Variants in CLASP1 observed in about 807,000 individuals in gnomAD.
The protein encoded by CLASP1 is CLIP-associating protein 1.
CLASP1 carries 38 observed loss-of-function variants against 192.3 expected under a neutral mutation model. The observed-to-expected ratio is 0.20, with a 90% CI of 0.15 to 0.26. The LOEUF (loss-of-function observed/expected upper bound fraction) is 0.26, where lower values mean the gene tolerates loss of function less well. Among genes scored for constraint, CLASP1 ranks in the 10% least tolerant of loss-of-function variants. The pLI, the probability that CLASP1 is intolerant of heterozygous loss-of-function variation, is 1.00. For missense variants in CLASP1, 1,433 were observed against 1,932.5 expected (o/e 0.74, Z 4.85); for synonymous variants, 691 against 712.8 (o/e 0.97, Z 0.49).
chr2:121,647,894 C>T lies in CLASP1; in HGVS notation c.-286+1478G>A, dbSNP rs868711312. On this transcript the variant is annotated intron_variant, in intron 1 of 39. Transcript: ENST00000263710. ...GAAAACTCCTTCATAAAAACTAAAA[C>T]TTTAGAAGTCTAAAATGGTGTTACA... Among the ~76,000 whole-genome samples, 10 of 152,256 alleles carry T rather than the reference C, an allele frequency of 6.6e-5. No individual in the cohort carries two copies. In the Middle Eastern group the frequency reaches 0.014, roughly 207 times the overall value.
At chr2:121,499,552 A>C (rs954300772) in intron 8 of CLASP1, among the ~76,000 whole-genome samples, 1 of 151,926 alleles carries the variant, frequency 6.6e-6, no homozygotes, top group Non-Finnish European at 1.5e-5. Context: ...TTAAAAAGTG[A>C]AACACCAGTA....
At chr2:121,423,030 A>C (rs1370520958) in intron 22 of CLASP1, among the ~76,000 whole-genome samples, 1 of 152,182 alleles carries the variant, frequency 6.6e-6, no homozygotes, top group African/African-American at 2.4e-5. Flanking sequence ...AGTAATATAT[A>C]ATCTATTACT....
chr2:121,613,629 T>TA (rs34993191), intron 1 of CLASP1, among the ~76,000 whole-genome samples: 25 of 148,766 alleles, frequency 1.7e-4, no homozygotes, highest in Non-Finnish European at 3.3e-4. Flanking sequence ...CCTTTTTTTT[T>TA]AAAAAAAAAA....
At chr2:121,525,775 C>A in intron 6 of CLASP1, 70 bp downstream of exon 6, 1 of 1,065,700 alleles carries the variant, frequency 9.4e-7, no homozygotes, top group Middle Eastern at 2.0e-4. Context: ...CCACCCACTA[C>A]GGAACACCAG....
At chr2:121,407,586 G>A (rs374477265) in exon 25 of CLASP1, 12 of 1,613,812 alleles carry the variant, frequency 7.4e-6, no homozygotes, top group African/African-American at 2.7e-5. Context: ...TCAGTCTGCC[G>A]CAGATAATGG....
intron 1 of CLASP1, among the ~76,000 whole-genome samples, chr2:121,620,281 G>A (rs115425404): frequency 6.6e-6 from 1 of 152,006 alleles, no homozygotes; most frequent in Non-Finnish European, 1.5e-5. Context: ...TCTGATTAGG[G>A]ATCAGAAATT....
chr2:121,483,182 G>C (rs769608990), intron 8 of CLASP1, among the ~76,000 whole-genome samples: 1 of 151,982 alleles, frequency 6.6e-6, no homozygotes, highest in African/African-American at 2.4e-5. Context: ...CCCCCTCCCC[G>C]CCCCACACAG....
intron 1 of CLASP1, among the ~76,000 whole-genome samples, chr2:121,644,278 A>G (rs2106358089): frequency 6.6e-6 from 1 of 152,196 alleles, no homozygotes; most frequent in South Asian, 2.1e-4. Flanking sequence ...TCCTAACCTA[A>G]GAAAACAGCT....
chr2:121,508,957 T>A (rs910205797), intron 7 of CLASP1, among the ~76,000 whole-genome samples: 7 of 152,112 alleles, frequency 4.6e-5, no homozygotes, highest in African/African-American at 1.7e-4. Context: ...TATAAACATA[T>A]ATGCACCTAA....
At chr2:121,449,322 G>A (rs2084960736) in intron 16 of CLASP1, among the ~76,000 whole-genome samples, 1 of 152,150 alleles carries the variant, frequency 6.6e-6, no homozygotes, top group South Asian at 2.1e-4. Context: ...CTATGGGCAA[G>A]TCACTTATCC....
At chr2:121,636,435 G>A (rs865927097) in intron 1 of CLASP1, among the ~76,000 whole-genome samples, 5 of 151,076 alleles carry the variant, frequency 3.3e-5, no homozygotes, top group Admixed American at 6.6e-5. Flanking sequence ...AGGCCGAGGC[G>A]GGTGGATCAC....
intron 26 of CLASP1, 130 bp from the exon 28 acceptor site, chr2:121,402,000 C>T: frequency 2.4e-5 from 11 of 458,588 alleles, no homozygotes; most frequent in South Asian, 1.8e-4. Flanking sequence ...ATGAAATATT[C>T]TCTCCTCCAT....
chr2:121,387,976 T>TA (rs966015342), intron 30 of CLASP1, 70 bp from the exon 32 acceptor site: 281 of 1,206,844 alleles, frequency 2.3e-4, no homozygotes, highest in Non-Finnish European at 3.1e-4. Context: ...TAAAGTTGTT[T>TA]AAAAAAATAT....
At chr2:121,543,233 C>T (rs561077194) in intron 2 of CLASP1, among the ~76,000 whole-genome samples, 2 of 152,200 alleles carry the variant, frequency 1.3e-5, no homozygotes, top group East Asian at 3.9e-4. Flanking sequence ...AAACTTGGGG[C>T]ACCTCTTAAA....
At chr2:121,525,215 CA>C (rs1199580559) in intron 6 of CLASP1, among the ~76,000 whole-genome samples, 2 of 152,026 alleles carry the variant, frequency 1.3e-5, no homozygotes, top group Non-Finnish European at 2.9e-5. Flanking sequence ...GAGGAGAGTT[CA>C]ATGCTATTTC....
At chr2:121,368,135 G>C (rs1173249366) in intron 34 of CLASP1, among the ~76,000 whole-genome samples, 3 of 152,110 alleles carry the variant, frequency 2.0e-5, no homozygotes, top group Admixed American at 1.3e-4. Context: ...CTTTCCTTGA[G>C]AAGGAAAGGC....
chr2:121,492,482 A>G (rs892536054), intron 8 of CLASP1, among the ~76,000 whole-genome samples: 2 of 151,944 alleles, frequency 1.3e-5, no homozygotes, highest in African/African-American at 4.8e-5. Flanking sequence ...ATACAGTTCA[A>G]CAACAAAAAG....
intron 30 of CLASP1, among the ~76,000 whole-genome samples, chr2:121,394,892 C>CA (rs1559020544): frequency 6.6e-6 from 1 of 151,982 alleles, no homozygotes; most frequent in South Asian, 2.1e-4. Context: ...ACAAACAAAC[C>CA]AAAAAAACAA....
At chr2:121,457,794 C>A in intron 13 of CLASP1, 37 bp from the exon 14 acceptor site, 1 of 1,501,624 alleles carries the variant, frequency 6.7e-7, no homozygotes, top group Non-Finnish European at 9.2e-7. Context: ...TCAACACTTG[C>A]AAATACAAAA....
Sources: allele counts gnomAD v4.1 joint callset (sites outside exome capture counted in the v4.1 genomes callset), GRCh38; gene constraint gnomAD v4.1.1; transcripts MANE v1.5; gene names NCBI Gene and HGNC (gene_info 2026-07-23, HGNC 2026-07-21).